The following C6 variants were observed in gnomAD, a reference collection of about 807,000 sequenced individuals.
C6 encodes complement component C6.
In C6, 101 loss-of-function variants were observed where a neutral mutation model predicts 112.9. The ratio of observed to expected loss-of-function variants is 0.89; its 90% CI spans 0.76 to 1.06. The LOEUF (loss-of-function observed/expected upper bound fraction) is 1.06, where lower values mean the gene tolerates loss of function less well. C6 is among the 50% of genes least tolerant of loss of function. The pLI, the probability that C6 is intolerant of heterozygous loss-of-function variation, is 0.00. For synonymous variants in C6, 431 were observed against 384.1 expected (o/e 1.12, Z -1.43); for missense variants, 1,202 against 1,104.6 (o/e 1.09, Z -1.25).
At chr5:41,180,644 G>A (rs1208955304) in intron 7 of C6, among the ~76,000 whole-genome samples, 1 of 152,052 alleles carries the variant, frequency 6.6e-6, no homozygotes, top group Admixed American at 6.6e-5. Context: ...GAAAAAATTT[G>A]CTCTGAATAT....
intron 1 of C6, among the ~76,000 whole-genome samples, chr5:41,256,835 G>C (rs937163839): frequency 6.6e-6 from 1 of 152,038 alleles, no homozygotes. Context: ...TTTACAAATG[G>C]GTAAAGGAAC....
At chr5:41,177,502 A>G (rs754988769) in intron 7 of C6, among the ~76,000 whole-genome samples, 3 of 152,190 alleles carry the variant, frequency 2.0e-5, no homozygotes, top group Non-Finnish European at 4.4e-5. Context: ...TTGTTTTAAA[A>G]AAAATTTATA....
intron 14 of C6, among the ~76,000 whole-genome samples, chr5:41,154,503 C>A (rs1377109189): frequency 6.6e-6 from 1 of 152,232 alleles, no homozygotes; most frequent in Non-Finnish European, 1.5e-5. Flanking sequence ...CTCATTCACT[C>A]TTTCTCAGTA....
Position 41,239,199 on chromosome 5 carries a change from C to A in C6, c.-21+21995G>T, listed in dbSNP as rs1433524687. On this transcript the variant is annotated intron_variant, in intron 1 of 17. Coordinates refer to the C6 transcript ENST00000263413. ...ATGTTCTTGGTTCACTGCACCTCCA[C>A]CTCCCAGGTTCAAGTGATTCTTCTG... 6.6e-5 allele frequency among the ~76,000 whole-genome samples: 10 copies of A among 150,640 alleles called. 1 individual carries two copies. Among genetic ancestry groups the A allele is most frequent in the Admixed American group, 2.0e-4 (3 of 15,038 alleles).
chr5:41,243,849 T>G (rs569849024), intron 1 of C6, among the ~76,000 whole-genome samples: 12 of 152,150 alleles, frequency 7.9e-5, no homozygotes, highest in African/African-American at 2.6e-4. Flanking sequence ...TAGAAAAATA[T>G]TCTCACTTTC....
Position 41,241,029 on chromosome 5 carries a change from C to G in C6, c.-21+20165G>C, listed in dbSNP as rs544059844. Among the ~76,000 whole-genome samples the G allele has an allele frequency of 3.3e-5, 5 of 152,300 alleles. No individual in the cohort carries two copies. In the South Asian group the frequency reaches 1.0e-3, roughly 32 times the overall value. On this transcript the variant is annotated intron_variant, in intron 1 of 17. Transcript: ENST00000263413. ...ACTTCCCAGATCTTTGGGCAGCATG[C>G]TCGCAGGAGTGGTGGTGGTGCCAGG...
intron 9 of C6, among the ~76,000 whole-genome samples, chr5:41,166,727 G>A (rs1369051852): frequency 2.6e-5 from 4 of 152,044 alleles, no homozygotes; most frequent in African/African-American, 7.2e-5. Flanking sequence ...GTCTAGGAGG[G>A]CACCTAACCT....
chr5:41,205,839 A>G (rs1411465644), intron 1 of C6, among the ~76,000 whole-genome samples: 1 of 152,200 alleles, frequency 6.6e-6, no homozygotes, highest in Non-Finnish European at 1.5e-5. Flanking sequence ...ACAGACTTCA[A>G]CGTCCCTGTC....
At chr5:41,236,884 A>G (rs968097534) in intron 1 of C6, among the ~76,000 whole-genome samples, 1 of 143,300 alleles carries the variant, frequency 7.0e-6, no homozygotes, top group Non-Finnish European at 1.5e-5. Context: ...ATAAAAAATG[A>G]TAAAGGGGAT....
chr5:41,245,200 A>G (rs1435821517), intron 1 of C6, among the ~76,000 whole-genome samples: 8 of 152,170 alleles, frequency 5.3e-5, no homozygotes, highest in African/African-American at 1.9e-4. Context: ...TACTTTTCTG[A>G]AAGAGTTCAT....
intron 5 of C6, among the ~76,000 whole-genome samples, chr5:41,187,054 A>T (rs1216179396): frequency 6.6e-6 from 1 of 152,204 alleles, no homozygotes; most frequent in Non-Finnish European, 1.5e-5. Flanking sequence ...CGTTTTCTAC[A>T]GGTCATGTCA....
chr5:41,142,732 C>A lies in C6; in HGVS notation c.*93G>T. 1 of 971,822 alleles carries A rather than the reference C, an allele frequency of 1.0e-6. No individual in the cohort carries two copies. The highest frequency in any genetic ancestry group is 1.7e-5 in the Admixed American group (1 of 58,322). The allele number at this position is 971,822 out of a possible 1,614,324, so 60.2% of individuals were successfully genotyped here. ...TTTTTGTCAGTAACTTTGAGCATGC[C>A]AGTCTGCTGTTTGTGCAAGAATTCT... On this transcript the variant is annotated 3_prime_UTR_variant, in exon 18 of 18. Transcript: ENST00000337836.
intron 1 of C6, among the ~76,000 whole-genome samples, chr5:41,235,078 T>TA (rs886957950): frequency 2.6e-4 from 5 of 19,416 alleles, no homozygotes; most frequent in African/African-American, 6.0e-4. Context: ...TTTTTTAATG[T>TA]TTTTTTTTTT....
At position 41,181,536 on chromosome 5, in the gene C6, C is replaced by G. The variant is rs1406746792; in HGVS notation, c.750G>C (p.Leu250Phe). Residue 250 changes from leucine to phenylalanine, a missense_variant, in exon 7 of 18, where the codon TTG becomes TTC. Physicochemically the swap from Leu to Phe is conservative, Grantham distance 22. Transcript: ENST00000337836. ...GFEVQTAEDD[L>F]KTDFYKDLTS... Reference sequence around the variant, plus strand: ...TTAAATCCTTGTAGAAATCTGTTTTCAAGTCATCTTCTGCAGTTTGTACCT... The same window carrying G: ...TTAAATCCTTGTAGAAATCTGTTTTGAAGTCATCTTCTGCAGTTTGTACCT... 1.2e-6 allele frequency: 2 copies of G among 1,613,262 alleles called. No individual in the cohort carries two copies. Among genetic ancestry groups the G allele is most frequent in the Non-Finnish European group, 1.7e-6 (2 of 1,179,674 alleles).
In C6 at chr5:41,191,654, A is replaced by AT. The variant is rs555744753; in HGVS notation, c.587+4137dup. On this transcript the variant is annotated intron_variant, in intron 5 of 17. Transcript: ENST00000337836. ...TCCTTGGTTAAATTTATTCCTAGGT[A>AT]TTTTTTTGTAGCTCTTATAGTTAGC... 8.6e-5 allele frequency among the ~76,000 whole-genome samples: 13 copies of AT among 151,950 alleles called. 1 individual carries two copies. The highest frequency in any genetic ancestry group is 2.9e-4 in the African/African-American group (12 of 41,450).
intron 1 of C6, among the ~76,000 whole-genome samples, chr5:41,260,532 G>A (rs2910645): frequency 0.66 from 99,899 of 150,652 alleles, 33,402 homozygotes; most frequent in South Asian, 0.72. Context: ...CACTTTGGGA[G>A]GCCGAGGCGG....
At chr5:41,213,140 A>G (rs1371348692) in intron 1 of C6, 1 of 153,294 alleles carries the variant, frequency 6.5e-6, no homozygotes, top group African/African-American at 2.4e-5. Flanking sequence ...TTTACTTTTA[A>G]CTAATTTAAC....
intron 17 of C6, among the ~76,000 whole-genome samples, chr5:41,148,231 A>G (rs1488374010): frequency 6.6e-6 from 1 of 152,192 alleles, no homozygotes; most frequent in Non-Finnish European, 1.5e-5. Context: ...TTGGTTAAAT[A>G]AATCATAGAA....
At chr5:41,225,394 A>C (rs919286894) in intron 1 of C6, among the ~76,000 whole-genome samples, 10 of 152,156 alleles carry the variant, frequency 6.6e-5, no homozygotes, top group African/African-American at 1.7e-4. Flanking sequence ...AAAGGAAATG[A>C]ACTCATCATT....
Sources: gnomAD v4.1 joint callset for allele counts (sites outside exome capture counted in the v4.1 genomes callset) on GRCh38, gnomAD v4.1.1 for gene constraint, MANE v1.5 for transcripts, NCBI Gene and HGNC (gene_info 2026-07-23, HGNC 2026-07-21) for gene names.